NELL1: variants seen among roughly 807,000 people sequenced by gnomAD.
NELL1 encodes protein kinase C-binding protein NELL1.
In NELL1, 76 loss-of-function variants were observed where a neutral mutation model predicts 107.4. That is an observed-to-expected ratio of 0.71 (90% CI 0.59 to 0.86). NELL1 has a LOEUF of 0.86. Ranked by LOEUF, NELL1 falls within the 40% of genes least tolerant of loss-of-function variation. The pLI is 0.00. For synonymous variants in NELL1, 353 were observed against 341.2 expected (o/e 1.03, Z -0.38); for missense variants, 1,024 against 1,005.5 (o/e 1.02, Z -0.25).
chr11:21,475,368 G>A (rs563766082), intron 15 of NELL1, among the ~76,000 whole-genome samples: 1 of 152,254 alleles, frequency 6.6e-6, no homozygotes, highest in South Asian at 2.1e-4. Flanking sequence ...ATATTGTAAT[G>A]TTGTTCATAG....
In NELL1 at chr11:21,551,572, CA is replaced by C. The variant is rs1272107306; in HGVS notation, c.1787-8613del. ...CACTGGCCATCAGAGAAATGCAAAT[CA>C]AAACCGCAATGAGATACCATCTCAC... On this transcript the variant is annotated intron_variant, in intron 16 of 19. Coordinates refer to ENST00000357134, the MANE Select transcript of NELL1 (RefSeq NM_006157.5). 7.9e-5 allele frequency among the ~76,000 whole-genome samples: 12 copies of C among 151,510 alleles called. 1 individual carries two copies. The South Asian group carries it at 1.0e-3, about 13-fold the overall frequency.
At chr11:20,864,018 G>T (rs1204976916) in intron 4 of NELL1, among the ~76,000 whole-genome samples, 1 of 152,140 alleles carries the variant, frequency 6.6e-6, no homozygotes. Flanking sequence ...TGAGGCAGGA[G>T]AATCAGGCAG....
At chr11:21,065,320 T>A (rs1269997058) in intron 12 of NELL1, among the ~76,000 whole-genome samples, 1 of 152,158 alleles carries the variant, frequency 6.6e-6, no homozygotes, top group Non-Finnish European at 1.5e-5. Flanking sequence ...GTTATATAAT[T>A]TCTACATTCA....
intron 12 of NELL1, among the ~76,000 whole-genome samples, chr11:21,077,344 T>A (rs981849583): frequency 6.6e-6 from 1 of 152,094 alleles, no homozygotes; most frequent in Non-Finnish European, 1.5e-5. Flanking sequence ...CAAAGAGATA[T>A]CAGAATGCTA....
chr11:21,013,230 G>A lies in NELL1; in HGVS notation c.1300+52670G>A, dbSNP rs150543426. ...AATTTTTTGCAAAGGCAATTTCATC[G>A]TGGCCCTCTTTTTGACCTCATAAGC... is the stretch of plus-strand genomic sequence containing the variant. On this transcript the variant is annotated intron_variant, in intron 12 of 19. Coordinates refer to ENST00000357134, the MANE Select transcript of NELL1 (RefSeq NM_006157.5). 7.9e-5 allele frequency among the ~76,000 whole-genome samples: 12 copies of A among 152,170 alleles called. No homozygotes were observed. In the East Asian group the frequency reaches 9.7e-4, roughly 12 times the overall value.
intron 15 of NELL1, among the ~76,000 whole-genome samples, chr11:21,531,566 C>G (rs1855990323): frequency 6.6e-6 from 1 of 152,174 alleles, no homozygotes; most frequent in Non-Finnish European, 1.5e-5. Context: ...ACATTTTCAG[C>G]TCTGTGCTGG....
chr11:20,756,018 G>A (rs1590264789), intron 2 of NELL1, among the ~76,000 whole-genome samples: 1 of 151,440 alleles, frequency 6.6e-6, no homozygotes, highest in Non-Finnish European at 1.5e-5. Context: ...TCAGCCTCCC[G>A]AGTAGCTGGG....
chr11:20,900,115 G>A (rs1474021665), intron 5 of NELL1, among the ~76,000 whole-genome samples: 11 of 152,140 alleles, frequency 7.2e-5, no homozygotes, highest in African/African-American at 2.7e-4. Context: ...TCTTTGATCA[G>A]CTGCTGGGGT....
chr11:21,132,306 C>T (rs1177336283), intron 13 of NELL1, among the ~76,000 whole-genome samples: 1 of 152,142 alleles, frequency 6.6e-6, no homozygotes, highest in African/African-American at 2.4e-5. Context: ...GTTGCCTCAC[C>T]AGCTGGAAAC....
At chr11:20,839,536 GA>G (rs1237669625) in intron 3 of NELL1, among the ~76,000 whole-genome samples, 1 of 152,192 alleles carries the variant, frequency 6.6e-6, no homozygotes, top group African/African-American at 2.4e-5. Flanking sequence ...AAGATGAAGG[GA>G]AATCATAATC....
intron 15 of NELL1, among the ~76,000 whole-genome samples, chr11:21,485,725 GGGGA>G (rs1854610957): frequency 6.6e-6 from 1 of 151,500 alleles, no homozygotes; most frequent in Non-Finnish European, 1.5e-5. Context: ...CCAATAATCT[GGGGA>G]CCATCCCATT....
intron 14 of NELL1, among the ~76,000 whole-genome samples, chr11:21,231,427 C>A (rs1333799232): frequency 1.3e-5 from 2 of 152,068 alleles, no homozygotes; most frequent in African/African-American, 4.8e-5. Context: ...TAAACTAGTG[C>A]TCAGCTTTTT....
intron 12 of NELL1, among the ~76,000 whole-genome samples, chr11:21,094,892 G>T (rs1256322598): frequency 6.6e-6 from 1 of 152,184 alleles, no homozygotes; most frequent in East Asian, 1.9e-4. Context: ...TCTCCCCATT[G>T]TCTTGGGGAT....
chr11:20,859,149 C>G (rs145548925), intron 4 of NELL1, among the ~76,000 whole-genome samples: 55 of 152,318 alleles, frequency 3.6e-4, no homozygotes, highest in African/African-American at 1.3e-3. Flanking sequence ...ATCTGCACCA[C>G]CCTTCCAACA....
At chr11:21,364,444 A>G (rs35801978) in intron 14 of NELL1, among the ~76,000 whole-genome samples, 1 of 144,786 alleles carries the variant, frequency 6.9e-6, no homozygotes, top group Admixed American at 7.0e-5. Context: ...AAAAGACTTC[A>G]TTCCCCTATC....
chr11:21,327,658 G>A (rs1471967254), intron 14 of NELL1, among the ~76,000 whole-genome samples: 6 of 152,178 alleles, frequency 3.9e-5, no homozygotes, highest in Admixed American at 3.9e-4. Flanking sequence ...ACAGGAAGGG[G>A]TTGGAAAAGT....
intron 4 of NELL1, among the ~76,000 whole-genome samples, chr11:20,863,821 G>A (rs1405921084): frequency 6.6e-6 from 1 of 152,216 alleles, no homozygotes; most frequent in Non-Finnish European, 1.5e-5. Flanking sequence ...GGGCAACATT[G>A]AGCACTGAGT....
intron 15 of NELL1, among the ~76,000 whole-genome samples, chr11:21,472,467 C>G (rs1854208197): frequency 6.6e-6 from 1 of 151,972 alleles, no homozygotes; most frequent in African/African-American, 2.4e-5. Flanking sequence ...ACTCCCTGGC[C>G]TTTACCCGCT....
intron 3 of NELL1, among the ~76,000 whole-genome samples, chr11:20,803,317 A>G (rs1857316413): frequency 6.6e-6 from 1 of 152,016 alleles, no homozygotes; most frequent in South Asian, 2.1e-4. Flanking sequence ...CTAGGAATTT[A>G]TCCATTTCTT....
Sources: allele counts gnomAD v4.1 joint callset (sites outside exome capture counted in the v4.1 genomes callset), GRCh38; gene constraint gnomAD v4.1.1; transcripts MANE v1.5; gene names NCBI Gene and HGNC (gene_info 2026-07-23, HGNC 2026-07-21).